Variants in FNDC3B observed in about 807,000 individuals in gnomAD.
FNDC3B encodes the protein fibronectin type III domain containing 3B, also known as fibronectin type III domain-containing protein 3B.
A neutral mutation model predicts 151.5 loss-of-function variants in FNDC3B; 12 were observed. That is an observed-to-expected ratio of 0.08 (90% confidence interval 0.05 to 0.13). The LOEUF is 0.13. Ranked by LOEUF, FNDC3B falls within the 10% of genes least tolerant of loss-of-function variation. FNDC3B has a pLI of 1.00. For synonymous variants in FNDC3B, 528 were observed against 549.0 expected (o/e 0.96, Z 0.54); for missense variants, 1,214 against 1,505.3 (o/e 0.81, Z 3.20).
rs569990218 is a variant in FNDC3B, at chr3:172,190,678, GT to G, written c.188-36186del. Among the ~76,000 whole-genome samples the G allele has an allele frequency of 3.1e-3, 458 of 148,636 alleles. 3 individuals carry two copies. Among genetic ancestry groups the G allele is most frequent in the African/African-American group, 0.012 (443 of 38,208 alleles). Reference sequence around the variant, plus strand: ...GTCTTTTTTTGTTTTGTTTTGTTTTGTTTTTTTGAGATGGAGTTTTGCTCTT... The same window carrying G: ...GTCTTTTTTTGTTTTGTTTTGTTTTGTTTTTTGAGATGGAGTTTTGCTCTT... On this transcript the variant is annotated intron_variant, in intron 3 of 25. Coordinates refer to ENST00000415807, the MANE Select transcript of FNDC3B (RefSeq NM_022763.4).
chr3:172,093,396 C>T (rs1314900037), intron 1 of FNDC3B, among the ~76,000 whole-genome samples: 3 of 151,762 alleles, frequency 2.0e-5, no homozygotes, highest in Admixed American at 1.3e-4. Context: ...GTAGCTGGGA[C>T]TACAGGCGCC....
chr3:172,266,373 C>T (rs1381517009), intron 6 of FNDC3B, among the ~76,000 whole-genome samples: 1 of 152,152 alleles, frequency 6.6e-6, no homozygotes, highest in African/African-American at 2.4e-5. Flanking sequence ...GGGGTCTTGC[C>T]GTATTGCCTA....
intron 22 of FNDC3B, among the ~76,000 whole-genome samples, chr3:172,356,872 C>A (rs1012380757): frequency 2.0e-5 from 3 of 152,158 alleles, no homozygotes; most frequent in Non-Finnish European, 2.9e-5. Flanking sequence ...TAGCCCTTTA[C>A]CTGCGGGCCC....
chr3:172,333,008 A>G, intron 13 of FNDC3B, 81 bp from the exon 14 acceptor site: 2 of 863,950 alleles, frequency 2.3e-6, no homozygotes, highest in Non-Finnish European at 4.0e-6. Flanking sequence ...AGGGAAAGGC[A>G]GTATAAAAAT....
intron 8 of FNDC3B, 34 bp downstream of exon 8, chr3:172,295,548 T>A: frequency 1.3e-6 from 2 of 1,591,190 alleles, no homozygotes; most frequent in Non-Finnish European, 1.7e-6. Context: ...TCTTTGCTGC[T>A]AAACTGTAAA....
chr3:172,245,599 A>G (rs1314153613), intron 4 of FNDC3B, among the ~76,000 whole-genome samples: 1 of 152,204 alleles, frequency 6.6e-6, no homozygotes, highest in East Asian at 1.9e-4. Flanking sequence ...GTGCTACCAA[A>G]CAGCATGCAG....
rs1725064877 is a variant in FNDC3B, at chr3:172,200,049, C to T, written c.188-26822C>T. Among the ~76,000 whole-genome samples the T allele has an allele frequency of 4.1e-5, 6 of 147,482 alleles. No individual in the cohort carries two copies. In the South Asian group the frequency reaches 1.1e-3, roughly 27 times the overall value. On this transcript the variant is annotated intron_variant, in intron 3 of 25. Transcript: ENST00000415807. The stretch of plus-strand genomic sequence containing the variant: ...TTCATTCATTCTCTAACCCATTATT[C>T]CAGTTCAGTGTTGCGGGGGCCAGAG...
intron 2 of FNDC3B, among the ~76,000 whole-genome samples, chr3:172,114,490 T>G (rs1297863256): frequency 6.6e-6 from 1 of 152,162 alleles, no homozygotes; most frequent in Non-Finnish European, 1.5e-5. Flanking sequence ...CTCCCACATG[T>G]CTGTAATTCA....
chr3:172,349,626 G>A (rs1161467436), intron 21 of FNDC3B, among the ~76,000 whole-genome samples: 1 of 152,068 alleles, frequency 6.6e-6, no homozygotes, highest in Non-Finnish European at 1.5e-5. Context: ...TATGTTAATA[G>A]TATAGTATCA....
chr3:172,127,707 A>G (rs746352455), intron 2 of FNDC3B, among the ~76,000 whole-genome samples: 8 of 152,204 alleles, frequency 5.3e-5, no homozygotes, highest in Middle Eastern at 6.8e-3. Flanking sequence ...TTATTTTGAG[A>G]CAGTCTCACT....
At chr3:172,335,107 GTTTTT>G (rs57479698) in intron 15 of FNDC3B, 25 bp downstream of exon 15, 4 of 1,317,774 alleles carry the variant, frequency 3.0e-6, no homozygotes, top group Admixed American at 3.0e-5. Flanking sequence ...TGCTGCTACT[GTTTTT>G]TTTTTTTTTT....
intron 6 of FNDC3B, among the ~76,000 whole-genome samples, chr3:172,266,233 T>G (rs1728918420): frequency 6.6e-6 from 1 of 152,234 alleles, no homozygotes; most frequent in African/African-American, 2.4e-5. Flanking sequence ...TTTCATATTG[T>G]AATGACTACT....
chr3:172,362,721 C>G lies in FNDC3B; in HGVS notation c.2884C>G (p.Pro962Ala). 6.2e-7 allele frequency: 1 copy of G among 1,614,014 alleles called. No individual in the cohort carries two copies. Among genetic ancestry groups the G allele is most frequent in the Non-Finnish European group, 8.5e-7 (1 of 1,179,930 alleles). ...AACTCGGCCATTACCACCCTTGCCT[C>G]CTAGGCTAGAATGTGCTGCTGCTGG... is the stretch of plus-strand genomic sequence containing the variant. ...AKTRPLPPLP[P>A]RLECAAAGPQ... The change falls in exon 23 of 26, where the codon CCT becomes GCT. Residue 962 changes from proline to alanine, a missense_variant. Pro to Ala is a conservative substitution (Grantham distance 27). Transcript: ENST00000415807.
intron 3 of FNDC3B, among the ~76,000 whole-genome samples, chr3:172,142,168 T>G (rs1446953983): frequency 6.6e-6 from 1 of 152,174 alleles, no homozygotes; most frequent in African/African-American, 2.4e-5. Context: ...GCCCAATAAA[T>G]AGGAGTGATT....
intron 3 of FNDC3B, among the ~76,000 whole-genome samples, chr3:172,169,760 T>A (rs1723195524): frequency 6.6e-6 from 1 of 152,224 alleles, no homozygotes; most frequent in South Asian, 2.1e-4. Flanking sequence ...TCATTTCACT[T>A]CCACTGGATG....
Position 172,397,685 on chromosome 3 carries a change from G to GA in FNDC3B, c.*219dup, listed in dbSNP as rs60867657. 0.74 allele frequency: 230,424 copies of GA among 313,324 alleles called. 83,928 individuals are homozygous for GA. The highest frequency in any genetic ancestry group is 0.86 in the East Asian group (16,489 of 19,262). 19.4% of individuals were successfully genotyped at this position (313,324 alleles called of 1,614,324 possible). A position where few individuals can be genotyped will look rare whatever the true frequency, so the allele number is the denominator to read the frequency against. On this transcript the variant is annotated 3_prime_UTR_variant, in exon 26 of 26. Coordinates refer to ENST00000415807, the MANE Select transcript of FNDC3B (RefSeq NM_022763.4). Reference sequence around the variant, plus strand: ...ACTGGATTTTTTTTTTTAAAAAAAAGAAAAAAAAAGAAGAAAAGTATACCA... The same window carrying GA: ...ACTGGATTTTTTTTTTTAAAAAAAAGAAAAAAAAAAGAAGAAAAGTATACCA...
rs151144593 is a variant in FNDC3B at position 172,156,542 on chromosome 3, C to T, written c.187+22996C>T. 1.7e-4 allele frequency among the ~76,000 whole-genome samples: 26 copies of T among 152,322 alleles called. No individual in the cohort carries two copies. The East Asian group carries it at 3.9e-3, about 23-fold the overall frequency. The stretch of plus-strand genomic sequence containing the variant: ...GTGACTGGCACAGGAATTTCCGTTG[C>T]GTTGCAAGAAGGAACCAGGTAGGCC... On this transcript the variant is annotated intron_variant, in intron 3 of 25. Transcript: ENST00000415807.
intron 3 of FNDC3B, among the ~76,000 whole-genome samples, chr3:172,152,406 A>G (rs1267510933): frequency 6.6e-6 from 1 of 152,198 alleles, no homozygotes; most frequent in African/African-American, 2.4e-5. Flanking sequence ...AATCAGGATC[A>G]GAATCAGACT....
At position 172,247,736 on chromosome 3, in the gene FNDC3B, T is replaced by A; in HGVS notation, c.468T>A (p.Phe156Leu). The A allele has an allele frequency of 6.2e-7, 1 of 1,614,128 alleles. No homozygotes were observed. Among genetic ancestry groups the A allele is most frequent in the Non-Finnish European group, 8.5e-7 (1 of 1,180,014 alleles). ...CTGGAGATATGCCGCCTCAGTTTTT[T>A]CCCCAGCATCATCTTCCCCACACAA... Reference protein sequence around the residue: ...TGPGDMPPQFFPQHHLPHTIY... With the variant: ...TGPGDMPPQFLPQHHLPHTIY... Residue 156 changes from phenylalanine (F) to leucine (L), a missense_variant, in exon 5 of 26, where the codon TTT becomes TTA. Coordinates refer to ENST00000415807, the MANE Select transcript of FNDC3B (RefSeq NM_022763.4).
Sources: allele counts gnomAD v4.1 joint callset (sites outside exome capture counted in the v4.1 genomes callset), GRCh38; gene constraint gnomAD v4.1.1; transcripts MANE v1.5; gene names NCBI Gene and HGNC (gene_info 2026-07-23, HGNC 2026-07-21).